ZNF385D: variants seen among roughly 807,000 people sequenced by gnomAD.
ZNF385D encodes the protein zinc finger protein 659.
A neutral mutation model predicts 35.8 loss-of-function variants in ZNF385D; 15 were observed. The ratio of observed to expected loss-of-function variants is 0.42; its 90% CI spans 0.28 to 0.64. ZNF385D has a LOEUF of 0.64. ZNF385D is among the 30% of genes least tolerant of loss of function. The pLI, the probability that ZNF385D is intolerant of heterozygous loss-of-function variation, is 0.23. For missense variants in ZNF385D, 474 were observed against 494.6 expected, an observed-to-expected ratio of 0.96 and a Z score of 0.39; for synonymous variants, 212 against 186.8, an observed-to-expected ratio of 1.13 and a Z score of -1.10.
chr3:21,723,266 C>T (rs572615574), intron 1 of ZNF385D, among the ~76,000 whole-genome samples: 5 of 152,190 alleles, frequency 3.3e-5, no homozygotes, highest in South Asian at 2.1e-4. Flanking sequence ...CAAAACTCCT[C>T]GCCAGCAAGG....
At chr3:21,829,279 T>C (rs1225827079) in intron 3 of ZNF385D, among the ~76,000 whole-genome samples, 1 of 152,096 alleles carries the variant, frequency 6.6e-6, no homozygotes, top group Non-Finnish European at 1.5e-5. Context: ...GCTATTTCAT[T>C]AGAGGTGGCC....
intron 3 of ZNF385D, among the ~76,000 whole-genome samples, chr3:21,915,912 A>G (rs1700171750): frequency 6.6e-6 from 1 of 152,182 alleles, no homozygotes; most frequent in Non-Finnish European, 1.5e-5. Flanking sequence ...TGAGACTACC[A>G]TGGCTATGGC....
intron 3 of ZNF385D, among the ~76,000 whole-genome samples, chr3:21,875,433 C>A (rs1469510534): frequency 3.9e-5 from 6 of 151,962 alleles, no homozygotes; most frequent in Admixed American, 3.3e-4. Context: ...ATCCTCATAT[C>A]TTGAATATTA....
intron 2 of ZNF385D, among the ~76,000 whole-genome samples, chr3:22,286,964 A>G (rs1185771575): frequency 6.6e-6 from 1 of 152,058 alleles, no homozygotes; most frequent in African/African-American, 2.4e-5. Context: ...ACCATTGCTG[A>G]AAGTAGGATG....
intron 1 of ZNF385D, among the ~76,000 whole-genome samples, chr3:21,679,635 A>G (rs1218158864): frequency 6.6e-6 from 1 of 152,082 alleles, no homozygotes; most frequent in Non-Finnish European, 1.5e-5. Flanking sequence ...CAATGTGCTC[A>G]TTGTGAGATG....
chr3:22,119,512 A>G (rs1020815972), intron 3 of ZNF385D, among the ~76,000 whole-genome samples: 9 of 152,020 alleles, frequency 5.9e-5, no homozygotes, highest in South Asian at 2.1e-4. Context: ...TCTATCCTCT[A>G]CTTTTTCAAC....
rs368537861 is a variant in ZNF385D, at chr3:21,501,156, T to C, written c.439+9705A>G. ...GCTTCCTCCAGCCTCTATATATACC[T>C]GGCTGGTTTCCGTTCAATTTGGGGT... On this transcript the variant is annotated intron_variant, in intron 4 of 7. Coordinates refer to ENST00000281523, the MANE Select transcript of ZNF385D (RefSeq NM_024697.3). Among the ~76,000 whole-genome samples, 13 of 152,304 alleles carry C rather than the reference T, an allele frequency of 8.5e-5. No homozygotes were observed. In the East Asian group the frequency reaches 2.1e-3, roughly 25 times the overall value.
chr3:22,158,256 C>A (rs1436287696), intron 3 of ZNF385D, among the ~76,000 whole-genome samples: 1 of 152,062 alleles, frequency 6.6e-6, no homozygotes, highest in Non-Finnish European at 1.5e-5. Context: ...AAATTCATCA[C>A]AATTTCCATT....
intron 2 of ZNF385D, among the ~76,000 whole-genome samples, chr3:21,625,785 A>G (rs2065119268): frequency 6.6e-6 from 1 of 152,128 alleles, no homozygotes; most frequent in Non-Finnish European, 1.5e-5. Flanking sequence ...TACATGTTCA[A>G]CAGTAGCACA....
chr3:22,259,966 G>C (rs997771904), intron 2 of ZNF385D, among the ~76,000 whole-genome samples: 1 of 151,914 alleles, frequency 6.6e-6, no homozygotes, highest in Non-Finnish European at 1.5e-5. Flanking sequence ...AAAGAGAAAA[G>C]GATTGTTAGG....
chr3:21,611,967 C>CA (rs1491558044), intron 2 of ZNF385D, among the ~76,000 whole-genome samples: 1 of 152,134 alleles, frequency 6.6e-6, no homozygotes, highest in African/African-American at 2.4e-5. Context: ...AAAATGGATG[C>CA]AAAACTGAAG....
chr3:21,556,484 T>G (rs955410190), intron 3 of ZNF385D, among the ~76,000 whole-genome samples: 1 of 152,236 alleles, frequency 6.6e-6, no homozygotes, highest in Non-Finnish European at 1.5e-5. Context: ...TAGGGAAGCC[T>G]TTCCCCATTG....
intron 3 of ZNF385D, among the ~76,000 whole-genome samples, chr3:21,775,711 G>A (rs1575628971): frequency 1.3e-5 from 2 of 151,900 alleles, no homozygotes; most frequent in East Asian, 1.9e-4. Flanking sequence ...AATATACAAA[G>A]TATTCGATGA....
chr3:22,368,706 T>C (rs999362391), intron 2 of ZNF385D, among the ~76,000 whole-genome samples: 3 of 152,210 alleles, frequency 2.0e-5, no homozygotes, highest in Admixed American at 1.3e-4. Context: ...ACTAATCCCA[T>C]TACAGGGGCT....
At chr3:21,498,309 G>A (rs941223181) in intron 4 of ZNF385D, among the ~76,000 whole-genome samples, 1 of 151,948 alleles carries the variant, frequency 6.6e-6, no homozygotes, top group Non-Finnish European at 1.5e-5. Context: ...CGTAGGATCT[G>A]ACAAAGATTT....
chr3:22,095,240 T>G (rs1035366977), intron 3 of ZNF385D, among the ~76,000 whole-genome samples: 4 of 151,924 alleles, frequency 2.6e-5, no homozygotes, highest in Admixed American at 1.3e-4. Context: ...AAATTCTTTA[T>G]CCTTGAAATT....
At chr3:21,759,788 A>T (rs909247202) in intron 3 of ZNF385D, among the ~76,000 whole-genome samples, 3 of 152,150 alleles carry the variant, frequency 2.0e-5, no homozygotes, top group Admixed American at 6.6e-5. Flanking sequence ...TTTTGCCTTT[A>T]AAAAAAGAGA....
At chr3:22,165,165 T>C (rs1368659512) in intron 3 of ZNF385D, among the ~76,000 whole-genome samples, 2 of 152,164 alleles carry the variant, frequency 1.3e-5, no homozygotes, top group Non-Finnish European at 2.9e-5. Context: ...CTTTGGGTGA[T>C]AGTGATGTGT....
chr3:21,637,927 C>A lies in ZNF385D; in HGVS notation c.165+26959G>T, dbSNP rs1003523709. On this transcript the variant is annotated intron_variant, in intron 2 of 7. Transcript: ENST00000281523. ...TACTGACTCTGGGTTTAAGCTGAAT[C>A]TAAAATTTAGTCTTAATACATTTGC... 5.3e-5 allele frequency among the ~76,000 whole-genome samples: 8 copies of A among 152,192 alleles called. No individual in the cohort carries two copies. The East Asian group carries it at 1.4e-3, about 26-fold the overall frequency.
Sources: allele counts gnomAD v4.1 joint callset (sites outside exome capture counted in the v4.1 genomes callset), GRCh38; gene constraint gnomAD v4.1.1; transcripts MANE v1.5; gene names NCBI Gene and HGNC (gene_info 2026-07-23, HGNC 2026-07-21).